PRKG1: variants seen among roughly 807,000 people sequenced by gnomAD.
PRKG1 encodes the protein protein kinase cGMP-dependent 1, also known as cGMP-dependent protein kinase 1.
Under a neutral mutation model 88.1 loss-of-function variants are expected in PRKG1, and 35 were observed. The observed-to-expected ratio is 0.40, with a 90% CI of 0.30 to 0.53. The LOEUF (loss-of-function observed/expected upper bound fraction) is 0.53. PRKG1 is among the 20% of genes least tolerant of loss of function. The probability of loss-of-function intolerance (pLI) is 0.59; values close to 1 mark genes in which losing one functional copy is unlikely to be tolerated. For missense variants in PRKG1, 540 were observed against 839.8 expected (o/e 0.64, Z 4.41); for synonymous variants, 303 against 292.5 (o/e 1.04, Z -0.37).
At chr10:52,238,919 C>G (rs1214254112) in intron 9 of PRKG1, among the ~76,000 whole-genome samples, 8 of 134,500 alleles carry the variant, frequency 5.9e-5, no homozygotes, top group East Asian at 4.6e-4. Context: ...TTGGAACCAA[C>G]CCAAATGTCC....
chr10:51,876,968 T>C (rs1841315517), intron 4 of PRKG1, among the ~76,000 whole-genome samples: 1 of 152,170 alleles, frequency 6.6e-6, no homozygotes, highest in East Asian at 1.9e-4. Context: ...TCCCTACCAA[T>C]GGTTATTGAG....
rs1414649699 is a variant in PRKG1, at chr10:51,031,414, A to G, written c.266+39770A>G. On this transcript the variant is annotated intron_variant, in intron 1 of 17. Transcript: ENST00000401604. ...AGACCAAAGAATCTAGCAGAAAGAC[A>G]AAGAGATGGCAGCTTCTCAACAAAT... Among the ~76,000 whole-genome samples, 3 of 152,202 alleles carry G rather than the reference A, an allele frequency of 2.0e-5. No individual in the cohort carries two copies. The East Asian group carries it at 5.8e-4, about 29-fold the overall frequency.
intron 3 of PRKG1, among the ~76,000 whole-genome samples, chr10:51,672,480 A>T (rs1036547168): frequency 6.6e-6 from 1 of 151,418 alleles, no homozygotes; most frequent in South Asian, 2.1e-4. Flanking sequence ...TTTAATATTT[A>T]TAGTTTTTCT....
At chr10:51,755,737 A>T (rs1837842744) in intron 3 of PRKG1, among the ~76,000 whole-genome samples, 1 of 152,238 alleles carries the variant, frequency 6.6e-6, no homozygotes, top group Non-Finnish European at 1.5e-5. Flanking sequence ...TAACACTGGC[A>T]TCATGCATTT....
At chr10:52,282,572 A>G (rs1477496206) in intron 14 of PRKG1, among the ~76,000 whole-genome samples, 1 of 152,108 alleles carries the variant, frequency 6.6e-6, no homozygotes, top group Non-Finnish European at 1.5e-5. Context: ...GTGGAAGGAT[A>G]TAATGTCCTT....
chr10:51,951,174 T>C (rs1843175191), intron 5 of PRKG1, among the ~76,000 whole-genome samples: 1 of 152,210 alleles, frequency 6.6e-6, no homozygotes, highest in South Asian at 2.1e-4. Context: ...TTCAGGCTGT[T>C]TTTTTTGGCT....
intron 2 of PRKG1, among the ~76,000 whole-genome samples, chr10:51,300,969 T>A (rs940662020): frequency 6.6e-6 from 1 of 152,212 alleles, no homozygotes; most frequent in African/African-American, 2.4e-5. Context: ...CTCTTAATAC[T>A]AACTGAAGGT....
At chr10:51,490,306 C>A (rs1003261078) in intron 3 of PRKG1, among the ~76,000 whole-genome samples, 59 of 152,026 alleles carry the variant, frequency 3.9e-4, no homozygotes, top group Admixed American at 3.7e-3. Flanking sequence ...GTGGTTCTTG[C>A]ATTTATAGGT....
chr10:51,267,210 A>G (rs1215533439), intron 2 of PRKG1, among the ~76,000 whole-genome samples: 1 of 152,216 alleles, frequency 6.6e-6, no homozygotes, highest in Non-Finnish European at 1.5e-5. Context: ...AAAGAATAAC[A>G]TAATGATCAC....
chr10:51,488,264 A>C lies in PRKG1; in HGVS notation c.592+20428A>C, dbSNP rs137915987. ...TATATGGAAGTTGAGCTTTGCATAT[A>C]ACATTTTAACGTGACAATTCTCTAG... On this transcript the variant is annotated intron_variant, in intron 3 of 17. Coordinates refer to ENST00000373980, the MANE Select transcript of PRKG1 (RefSeq NM_006258.4). 4.6e-3 allele frequency among the ~76,000 whole-genome samples: 699 copies of C among 152,276 alleles called. 4 individuals carry two copies. Among genetic ancestry groups the C allele is most frequent in the African/African-American group, 0.016 (671 of 41,550 alleles).
At chr10:51,450,314 T>A (rs1839397241) in intron 2 of PRKG1, among the ~76,000 whole-genome samples, 1 of 152,004 alleles carries the variant, frequency 6.6e-6, no homozygotes, top group Non-Finnish European at 1.5e-5. Flanking sequence ...CTAGTTTATG[T>A]TTTCATTTTT....
chr10:51,949,314 A>C (rs377143678), intron 5 of PRKG1, among the ~76,000 whole-genome samples: 4 of 152,166 alleles, frequency 2.6e-5, no homozygotes, highest in African/African-American at 4.8e-5. Flanking sequence ...TGGGCTTTGA[A>C]TAAGAAATTT....
At chr10:51,926,095 C>G (rs936752254) in intron 5 of PRKG1, among the ~76,000 whole-genome samples, 1 of 152,010 alleles carries the variant, frequency 6.6e-6, no homozygotes, top group Admixed American at 6.6e-5. Context: ...ATGGTAGCAT[C>G]ACAAAAATCA....
At chr10:51,788,051 A>G (rs968827208) in intron 3 of PRKG1, among the ~76,000 whole-genome samples, 4 of 152,182 alleles carry the variant, frequency 2.6e-5, no homozygotes, top group Admixed American at 6.6e-5. Context: ...TACACTCACA[A>G]TTGGTGCTAT....
At chr10:51,672,146 C>T (rs943213963) in intron 3 of PRKG1, among the ~76,000 whole-genome samples, 3 of 151,690 alleles carry the variant, frequency 2.0e-5, no homozygotes, top group Non-Finnish European at 4.4e-5. Flanking sequence ...TATTTCTTAT[C>T]AATTTAGAAG....
chr10:51,072,491 C>T (rs1843846167), upstream of PRKG1, among the ~76,000 whole-genome samples: 1 of 151,996 alleles, frequency 6.6e-6, no homozygotes, highest in Non-Finnish European at 1.5e-5. Flanking sequence ...TATACAAAGT[C>T]ACAGTACTTC....
intron 2 of PRKG1, among the ~76,000 whole-genome samples, chr10:51,435,681 T>C (rs943435633): frequency 1.3e-5 from 2 of 151,978 alleles, no homozygotes; most frequent in African/African-American, 4.8e-5. Context: ...CTGACTGTAC[T>C]GGATGCTGTG....
intron 2 of PRKG1, among the ~76,000 whole-genome samples, chr10:51,165,273 C>A (rs1846504637): frequency 6.6e-6 from 1 of 151,926 alleles, no homozygotes; most frequent in East Asian, 1.9e-4. Flanking sequence ...AATTTTCAAC[C>A]CAGAATTTCA....
intron 3 of PRKG1, among the ~76,000 whole-genome samples, chr10:51,676,463 A>C (rs553172958): frequency 3.1e-4 from 43 of 140,298 alleles, no homozygotes; most frequent in East Asian, 2.1e-3. Flanking sequence ...CCAATGCACA[A>C]AAAAAAAAAA....
Sources: gnomAD v4.1 joint callset for allele counts (sites outside exome capture counted in the v4.1 genomes callset) on GRCh38, gnomAD v4.1.1 for gene constraint, MANE v1.5 for transcripts, NCBI Gene and HGNC (gene_info 2026-07-23, HGNC 2026-07-21) for gene names.